ATP2B1: variants seen among roughly 807,000 people sequenced by gnomAD.
ATP2B1 encodes the protein ATPase plasma membrane Ca2+ transporting 1, also known as plasma membrane calcium-transporting ATPase 1.
ATP2B1 carries 14 observed loss-of-function variants against 124.2 expected under a neutral mutation model. That is an observed-to-expected ratio of 0.11 (90% CI 0.07 to 0.18). The LOEUF (loss-of-function observed/expected upper bound fraction) is 0.18, where lower values mean the gene tolerates loss of function less well. ATP2B1 is among the 10% of genes least tolerant of loss of function. The pLI is 1.00. For synonymous variants in ATP2B1, 449 were observed against 492.4 expected (o/e 0.91, Z 1.17); for missense variants, 763 against 1,466.1 (o/e 0.52, Z 7.83).
chr12:89,703,531 G>C (rs924092150), intron 1 of ATP2B1, among the ~76,000 whole-genome samples: 4 of 152,032 alleles, frequency 2.6e-5, no homozygotes, highest in African/African-American at 9.7e-5. Context: ...TTCTAACAAA[G>C]AGCTAGACTA....
At chr12:89,686,260 T>A (rs770684659) in intron 1 of ATP2B1, among the ~76,000 whole-genome samples, 3 of 152,116 alleles carry the variant, frequency 2.0e-5, no homozygotes, top group South Asian at 2.1e-4. Flanking sequence ...CAAAAGTATA[T>A]CCAGCTTAAG....
rs1889385303 is a variant in ATP2B1 at position 89,681,834 on chromosome 12, T to G, written c.-221-25727A>C. On this transcript the variant is annotated intron_variant, in intron 1 of 20. Coordinates refer to ENST00000428670, the MANE Select transcript of ATP2B1 (RefSeq NM_001366521.1). ...AATTATCTTAATTAATGGGGAAAACTAGAGGCATTTAATATACAAGGCAAA... is the reference window on the plus strand; with the variant it reads ...AATTATCTTAATTAATGGGGAAAACGAGAGGCATTTAATATACAAGGCAAA... 2.0e-5 allele frequency among the ~76,000 whole-genome samples: 3 copies of G among 152,286 alleles called. No homozygotes were observed. The South Asian group carries it at 6.2e-4, about 32-fold the overall frequency.
At chr12:89,598,681 G>C in intron 20 of ATP2B1, 1 of 1,614,054 alleles carries the variant, frequency 6.2e-7, no homozygotes, top group African/African-American at 1.3e-5. Flanking sequence ...TGGCGATGGA[G>C]GGTTGCCGCC....
At chr12:89,687,986 C>T (rs1360427985) in intron 1 of ATP2B1, among the ~76,000 whole-genome samples, 1 of 151,946 alleles carries the variant, frequency 6.6e-6, no homozygotes, top group Non-Finnish European at 1.5e-5. Context: ...CAAAAGTAAA[C>T]TAAAACCAAG....
intron 5 of ATP2B1, 55 bp downstream of exon 5, chr12:89,634,723 A>G: frequency 6.8e-7 from 1 of 1,473,152 alleles, no homozygotes; most frequent in Non-Finnish European, 9.1e-7. Context: ...TTTGCTGACA[A>G]TGGTACATAG....
intron 1 of ATP2B1, among the ~76,000 whole-genome samples, chr12:89,683,026 T>C (rs956930901): frequency 5.3e-5 from 8 of 152,196 alleles, no homozygotes; most frequent in African/African-American, 1.9e-4. Flanking sequence ...TTGAAAGCCA[T>C]AGACAATTCA....
chr12:89,672,387 G>A (rs1888103927), intron 1 of ATP2B1, among the ~76,000 whole-genome samples: 1 of 152,134 alleles, frequency 6.6e-6, no homozygotes, highest in Non-Finnish European at 1.5e-5. Context: ...CTGGGAGGGA[G>A]AGGCTGCAGT....
At chr12:89,610,607 C>T in intron 13 of ATP2B1, 99 bp from the exon 14 acceptor site, 1 of 977,182 alleles carries the variant, frequency 1.0e-6, no homozygotes, top group Admixed American at 1.9e-5. Context: ...AAGTGTGGTC[C>T]ACAGAACAAT....
At chr12:89,664,897 G>A (rs138682539) in intron 1 of ATP2B1, among the ~76,000 whole-genome samples, 99 of 151,184 alleles carry the variant, frequency 6.5e-4, no homozygotes, top group African/African-American at 2.2e-3. Context: ...TGCCAGGCTG[G>A]AGTGCAGTGC....
chr12:89,633,784 A>C (rs933083356), intron 5 of ATP2B1, among the ~76,000 whole-genome samples: 2 of 152,126 alleles, frequency 1.3e-5, no homozygotes, highest in African/African-American at 4.8e-5. Context: ...AAATGTTGGC[A>C]ATCTATCAAC....
chr12:89,633,086 T>G (rs1882128907), intron 5 of ATP2B1, among the ~76,000 whole-genome samples: 1 of 152,126 alleles, frequency 6.6e-6, no homozygotes, highest in Non-Finnish European at 1.5e-5. Flanking sequence ...TTAGATAGCT[T>G]CCCTCTCCTT....
intron 1 of ATP2B1, among the ~76,000 whole-genome samples, chr12:89,682,435 A>G (rs1427162349): frequency 6.6e-6 from 1 of 152,230 alleles, no homozygotes; most frequent in Non-Finnish European, 1.5e-5. Context: ...TGATGGAAAT[A>G]TTAGCTCTAC....
chr12:89,606,512 T>A (rs962899779), intron 15 of ATP2B1, among the ~76,000 whole-genome samples: 1 of 151,992 alleles, frequency 6.6e-6, no homozygotes, highest in Non-Finnish European at 1.5e-5. Context: ...GAAGAAACAA[T>A]CTTATTTTAG....
chr12:89,669,364 C>G (rs2136499621), intron 1 of ATP2B1, among the ~76,000 whole-genome samples: 1 of 152,116 alleles, frequency 6.6e-6, no homozygotes, highest in East Asian at 1.9e-4. Context: ...CAGGTGCCAG[C>G]AAAAAAGACT....
chr12:89,643,266 A>G (rs1294145399), intron 2 of ATP2B1, among the ~76,000 whole-genome samples: 1 of 151,400 alleles, frequency 6.6e-6, no homozygotes, highest in Non-Finnish European at 1.5e-5. Flanking sequence ...ATATACACAT[A>G]TATATATATT....
chr12:89,623,354 C>A (rs1214866698), intron 9 of ATP2B1, among the ~76,000 whole-genome samples: 10 of 144,520 alleles, frequency 6.9e-5, no homozygotes, highest in Non-Finnish European at 1.5e-4. Flanking sequence ...CAAGCTACAT[C>A]TTTTTTTTTT....
Position 89,591,015 on chromosome 12 carries a change from C to T in ATP2B1, c.3632G>A (p.Ser1211Asn). 1 of 1,612,914 alleles carries T rather than the reference C, an allele frequency of 6.2e-7. No homozygotes were observed. The highest frequency in any genetic ancestry group is 2.2e-5 in the East Asian group (1 of 44,856). ...NKSATSSSPGSPLHSLETSL is the reference protein window; with the variant it reads ...NKSATSSSPGNPLHSLETSL The stretch of plus-strand genomic sequence containing the variant: ...TGATGTTTCCAAACTATGTAGTGGG[C>T]TTCCTGGGGATGAAGAGGTAGCAGA... The change falls in exon 21 of 21, where the codon AGC becomes AAC. Residue 1211 changes from serine to asparagine, a missense_variant. Around this residue, in one of 7 missense-constraint regions of ATP2B1, gnomAD observed 97 missense variants for 94.7 expected, o/e 1.02. Coordinates refer to ENST00000428670, the MANE Select transcript of ATP2B1 (RefSeq NM_001366521.1).
chr12:89,693,745 T>C (rs1339290957), intron 1 of ATP2B1, among the ~76,000 whole-genome samples: 2 of 152,198 alleles, frequency 1.3e-5, no homozygotes, highest in Non-Finnish European at 2.9e-5. Flanking sequence ...GTTATCAAAA[T>C]GTATTTAAAA....
chr12:89,610,117 G>A (rs1028653733), intron 14 of ATP2B1, 74 bp from the exon 15 acceptor site: 83 of 1,362,416 alleles, frequency 6.1e-5, no homozygotes, highest in Admixed American at 9.9e-5. Flanking sequence ...ATATCCTGAC[G>A]TCGGTTTTAT....
Sources: gnomAD v4.1 joint callset for allele counts (sites outside exome capture counted in the v4.1 genomes callset) on GRCh38, gnomAD v4.1.1 for gene constraint, gnomAD v4.1.1 regional missense constraint, MANE v1.5 for transcripts, NCBI Gene and HGNC (gene_info 2026-07-23, HGNC 2026-07-21) for gene names.